KSR2: variants seen among roughly 807,000 people sequenced by gnomAD.
KSR2 encodes the protein kinase suppressor of ras 2.
In KSR2, 25 loss-of-function variants were observed where a neutral mutation model predicts 107.8. The ratio of observed to expected loss-of-function variants is 0.23; its 90% CI spans 0.17 to 0.32. KSR2 has a LOEUF of 0.32. Among genes scored for constraint, KSR2 ranks in the 10% least tolerant of loss-of-function variants. The pLI, the probability that KSR2 is intolerant of heterozygous loss-of-function variation, is 1.00. For synonymous variants in KSR2, 480 were observed against 507.0 expected, an observed-to-expected ratio of 0.95 and a Z score of 0.71; for missense variants, 887 against 1,268.9, an observed-to-expected ratio of 0.70 and a Z score of 4.57.
chr12:117,771,160 G>C (rs1889438686), intron 3 of KSR2, among the ~76,000 whole-genome samples: 1 of 152,152 alleles, frequency 6.6e-6, no homozygotes, highest in African/African-American at 2.4e-5. Flanking sequence ...AAGCTAAAGG[G>C]AAAAGTCAAG....
chr12:117,876,440 A>T (rs1452591996), intron 1 of KSR2, among the ~76,000 whole-genome samples: 4 of 152,232 alleles, frequency 2.6e-5, no homozygotes, highest in Non-Finnish European at 5.9e-5. Context: ...GAACACAGGC[A>T]GCTGCCTCTG....
At chr12:117,524,733 A>G (rs1193306945) in intron 14 of KSR2, 119 bp downstream of exon 14, 19 of 1,204,266 alleles carry the variant, frequency 1.6e-5, no homozygotes, top group South Asian at 3.1e-5. Flanking sequence ...TAAACTGTGC[A>G]TGGTAGAACT....
chr12:117,507,538 C>A (rs935852721), intron 14 of KSR2, among the ~76,000 whole-genome samples: 4 of 152,160 alleles, frequency 2.6e-5, no homozygotes, highest in Non-Finnish European at 4.4e-5. Flanking sequence ...TCCTTAGAGA[C>A]CATTTTGAGA....
intron 3 of KSR2, among the ~76,000 whole-genome samples, chr12:117,786,564 C>T (rs922681572): frequency 6.6e-5 from 10 of 152,116 alleles, no homozygotes; most frequent in African/African-American, 2.4e-4. Context: ...GGCTGTAATC[C>T]CAGCACTTTG....
At chr12:117,565,032 G>A (rs1363915189) in intron 7 of KSR2, among the ~76,000 whole-genome samples, 1 of 152,152 alleles carries the variant, frequency 6.6e-6, no homozygotes, top group African/African-American at 2.4e-5. Flanking sequence ...CATGGGAACT[G>A]CGGGGGACAA....
Position 117,484,541 on chromosome 12 carries a change from GC to G in KSR2, c.2324del (p.Gly775AlafsTer108). The G allele has an allele frequency of 1.2e-6, 2 of 1,613,720 alleles. No individual in the cohort carries two copies. Among genetic ancestry groups the G allele is most frequent in the Non-Finnish European group, 1.7e-6 (2 of 1,179,720 alleles). On this transcript the variant is annotated frameshift_variant, in exon 16 of 20. Coordinates refer to ENST00000339824, the MANE Select transcript of KSR2 (RefSeq NM_173598.6). LOFTEE classifies it high-confidence loss of function. ...GTAGGATTCCCTTGGCGTGGAGGTA[GC>G]CCATGCCCTGCAAGAAGCAAGGAAC... ...QIAQEIVKGM[G>X]YLHAKGILHK...
At chr12:117,913,039 C>T (rs1052620036) in intron 1 of KSR2, among the ~76,000 whole-genome samples, 1 of 152,190 alleles carries the variant, frequency 6.6e-6, no homozygotes, top group Non-Finnish European at 1.5e-5. Flanking sequence ...AGAGGCCCTA[C>T]CCGGGGCAGG....
rs1870583744 is a variant in KSR2 at position 117,455,687 on chromosome 12, G to A, written c.*11512C>T. 1 of 152,224 alleles carries A rather than the reference G, an allele frequency of 6.6e-6. No homozygotes were observed. Among genetic ancestry groups the A allele is most frequent in the African/African-American group, 2.4e-5 (1 of 41,454 alleles). 9.4% of individuals were successfully genotyped at this position (152,224 alleles called of 1,614,324 possible). ...ATTTGGGGAATGAAGGGACAAGGTT[G>A]CTCCACGCTGGGCTCTGCTGAGGGT... On this transcript the variant is annotated 3_prime_UTR_variant, in exon 20 of 20. Coordinates refer to ENST00000339824, the MANE Select transcript of KSR2 (RefSeq NM_173598.6).
chr12:117,799,512 A>G (rs569855353), intron 3 of KSR2, among the ~76,000 whole-genome samples: 1,673 of 148,980 alleles, frequency 0.011, 38 homozygotes, highest in African/African-American at 0.041. Flanking sequence ...AAAAAAAAAG[A>G]AAAAAAAAGG....
chr12:117,734,672 G>C (rs531258643), intron 4 of KSR2, among the ~76,000 whole-genome samples: 1 of 152,250 alleles, frequency 6.6e-6, no homozygotes, highest in South Asian at 2.1e-4. Flanking sequence ...TTGCTCACCA[G>C]AGAATCCCTG....
In KSR2 at chr12:117,525,024, C is replaced by A; in HGVS notation, c.2047G>T (p.Gly683Cys). ...ATGGCCACCTCGCCATGCCAGCGGC[C>A]GTGGTACACTTGCCCAAAGCGGCCC... The part of the protein sequence containing the change: ...GKGRFGQVYH[G>C]RWHGEVAIRL... The change falls in exon 14 of 20, where the codon GGC becomes TGC. Residue 683 changes from glycine to cysteine, a missense_variant. By Grantham distance (159) the Gly-to-Cys change is radical. This residue lies in a region of KSR2 where 308 missense variants were observed against 506.2 expected (regional missense o/e 0.61). Transcript: ENST00000339824. The A allele has an allele frequency of 6.2e-7, 1 of 1,613,984 alleles. No homozygotes were observed. Among genetic ancestry groups the A allele is most frequent in the Non-Finnish European group, 8.5e-7 (1 of 1,179,892 alleles).
Position 117,857,392 on chromosome 12 carries a change from G to A in KSR2, c.322-1814C>T, listed in dbSNP as rs541052551. Reference sequence around the variant, plus strand: ...TGAAGGTACAGAATGACTCATGTTTGAAGGGGGTGATTCATAACATAAAAG... The same window carrying A: ...TGAAGGTACAGAATGACTCATGTTTAAAGGGGGTGATTCATAACATAAAAG... On this transcript the variant is annotated intron_variant, in intron 2 of 19. Coordinates refer to ENST00000339824, the MANE Select transcript of KSR2 (RefSeq NM_173598.6). Among the ~76,000 whole-genome samples, 3 of 152,268 alleles carry A rather than the reference G, an allele frequency of 2.0e-5. No homozygotes were observed. The East Asian group carries it at 5.8e-4, about 29-fold the overall frequency.
intron 16 of KSR2, among the ~76,000 whole-genome samples, chr12:117,484,186 T>G (rs1872328209): frequency 6.6e-6 from 1 of 152,200 alleles, no homozygotes; most frequent in Admixed American, 6.5e-5. Flanking sequence ...GGGTGCTCTG[T>G]GTCCAATCAC....
intron 14 of KSR2, among the ~76,000 whole-genome samples, chr12:117,518,433 T>C (rs1030465949): frequency 1.3e-5 from 2 of 152,202 alleles, no homozygotes; most frequent in African/African-American, 4.8e-5. Context: ...GAGCCCCACA[T>C]AGGTGGAAAT....
chr12:117,512,727 A>ACAGACT (rs10626267), intron 14 of KSR2, among the ~76,000 whole-genome samples: 1 of 151,216 alleles, frequency 6.6e-6, no homozygotes, highest in Admixed American at 6.6e-5. Context: ...TCACCTCTTA[A>ACAGACT]TAGACTTAGA....
chr12:117,752,425 A>C (rs1001219689), intron 4 of KSR2, among the ~76,000 whole-genome samples: 3 of 152,272 alleles, frequency 2.0e-5, no homozygotes, highest in African/African-American at 7.2e-5. Context: ...TTTGTGCAGG[A>C]CTAATAAAGG....
intron 1 of KSR2, among the ~76,000 whole-genome samples, chr12:117,948,660 A>G (rs1896268929): frequency 6.6e-6 from 1 of 152,218 alleles, no homozygotes; most frequent in Non-Finnish European, 1.5e-5. Context: ...GAAAGAAATC[A>G]CCATTTCAAT....
At chr12:117,930,525 A>G (rs367910644) in intron 1 of KSR2, among the ~76,000 whole-genome samples, 1 of 152,194 alleles carries the variant, frequency 6.6e-6, no homozygotes, top group African/African-American at 2.4e-5. Flanking sequence ...CTACCTGCCC[A>G]TGGGCCACAC....
intron 3 of KSR2, among the ~76,000 whole-genome samples, chr12:117,783,369 C>T (rs1472840267): frequency 6.6e-6 from 1 of 152,190 alleles, no homozygotes; most frequent in African/African-American, 2.4e-5. Flanking sequence ...AGCACGACAA[C>T]AGCAATCGGG....
Sources: gnomAD v4.1 joint callset for allele counts (sites outside exome capture counted in the v4.1 genomes callset) on GRCh38, gnomAD v4.1.1 for gene constraint, gnomAD v4.1.1 regional missense constraint, MANE v1.5 for transcripts, NCBI Gene and HGNC (gene_info 2026-07-23, HGNC 2026-07-21) for gene names.